The following CCDC13 variants were observed in gnomAD, a reference collection of about 807,000 sequenced individuals.
CCDC13 encodes coiled-coil domain containing 13.
A neutral mutation model predicts 87.3 loss-of-function variants in CCDC13; 70 were observed. That is an observed-to-expected ratio of 0.80 (90% CI 0.66 to 0.98). The LOEUF (loss-of-function observed/expected upper bound fraction) is 0.98. Among genes scored for constraint, CCDC13 ranks in the 50% least tolerant of loss-of-function variants. CCDC13 has a pLI of 0.00. For synonymous variants in CCDC13, 317 were observed against 360.3 expected, an observed-to-expected ratio of 0.88 and a Z score of 1.36; for missense variants, 842 against 892.0, an observed-to-expected ratio of 0.94 and a Z score of 0.71.
At chr3:42,761,604 T>C (rs187287559) in intron 1 of CCDC13, among the ~76,000 whole-genome samples, 4 of 152,340 alleles carry the variant, frequency 2.6e-5, no homozygotes, top group African/African-American at 9.6e-5. Flanking sequence ...GAATACTTGC[T>C]GAACAAATGA....
In CCDC13 at chr3:42,743,050, T is replaced by C. The variant is rs1251725547; in HGVS notation, c.833A>G (p.Glu278Gly). The C allele has an allele frequency of 1.2e-6, 2 of 1,613,912 alleles. No individual in the cohort carries two copies. Among genetic ancestry groups the C allele is most frequent in the Admixed American group, 3.3e-5 (2 of 59,970 alleles). The stretch of plus-strand genomic sequence containing the variant: ...GGCCTGGCCCAATTGCTTCTCAAGC[T>C]CTTGAACCTGAGGATGGTAAAACTC... ...QILVLQSKVQELEKQLGQARS... is the reference protein window; with the variant it reads ...QILVLQSKVQGLEKQLGQARS... Residue 278 changes from glutamate (E) to glycine (G), a missense_variant, in exon 8 of 16, where the codon GAG becomes GGG. Glu to Gly is a moderately conservative substitution (Grantham distance 98, BLOSUM62 -2). Coordinates refer to ENST00000310232, the MANE Select transcript of CCDC13 (RefSeq NM_144719.4).
At chr3:42,760,735 A>G (rs1267937273) in intron 1 of CCDC13, among the ~76,000 whole-genome samples, 1 of 152,094 alleles carries the variant, frequency 6.6e-6, no homozygotes, top group Non-Finnish European at 1.5e-5. Context: ...AACCTGGGTG[A>G]CAGAGCAAGA....
intron 5 of CCDC13, among the ~76,000 whole-genome samples, chr3:42,750,612 C>T (rs1397512825): frequency 1.3e-5 from 2 of 152,182 alleles, no homozygotes; most frequent in Non-Finnish European, 2.9e-5. Flanking sequence ...GGATTACAGG[C>T]GTTCGCCACC....
chr3:42,716,065 A>G (rs1209234521), intron 13 of CCDC13, among the ~76,000 whole-genome samples: 1 of 152,250 alleles, frequency 6.6e-6, no homozygotes. Flanking sequence ...GAAAAATCTT[A>G]TAACAACAGC....
Position 42,732,911 on chromosome 3 carries a change from G to A in CCDC13, c.1571C>T (p.Pro524Leu), listed in dbSNP as rs1364014440. Reference protein sequence around the residue: ...VESALTRPSLPSPHRTSPRFS... With the variant: ...VESALTRPSLLSPHRTSPRFS... Reference sequence around the variant, plus strand: ...CCTAGGTGAGGTCCTGTGGGGACTGGGCAGGGAAGGCCTCGTGAGAGCAGA... The same window carrying A: ...CCTAGGTGAGGTCCTGTGGGGACTGAGCAGGGAAGGCCTCGTGAGAGCAGA... The change falls in exon 12 of 16, where the codon CCC (proline) becomes CTC (leucine). Residue 524 changes from proline (P) to leucine (L), a missense_variant. Transcript: ENST00000310232. The A allele has an allele frequency of 1.3e-6, 2 of 1,554,126 alleles. No homozygotes were observed. The highest frequency in any genetic ancestry group is 2.4e-5 in the South Asian group (2 of 84,206).
chr3:42,729,010 C>T (rs558542098), intron 13 of CCDC13, among the ~76,000 whole-genome samples: 1 of 152,190 alleles, frequency 6.6e-6, no homozygotes, highest in Non-Finnish European at 1.5e-5. Flanking sequence ...AGAACTGAGG[C>T]ATCCCTGCTG....
intron 8 of CCDC13, among the ~76,000 whole-genome samples, chr3:42,740,500 A>C (rs1458956710): frequency 6.6e-6 from 1 of 152,242 alleles, no homozygotes; most frequent in Non-Finnish European, 1.5e-5. Context: ...GGGGACAGCA[A>C]AAAGCAAAAC....
At chr3:42,739,060 T>G (rs1004773621) in intron 9 of CCDC13, among the ~76,000 whole-genome samples, 3 of 152,194 alleles carry the variant, frequency 2.0e-5, no homozygotes, top group African/African-American at 7.2e-5. Flanking sequence ...CATAAATAGC[T>G]CTTATTATTT....
chr3:42,715,480 C>T lies in CCDC13; in HGVS notation c.1719-2164G>A, dbSNP rs143655017. Among the ~76,000 whole-genome samples the T allele has an allele frequency of 7.6e-4, 115 of 152,050 alleles. No homozygotes were observed. In the East Asian group the frequency reaches 0.013, roughly 17 times the overall value. ...TACAAAAATAAGCCTGGCACGGTGGCGTGTGCTTGTAGTCCCAGTTACTTG... is the reference window on the plus strand; with the variant it reads ...TACAAAAATAAGCCTGGCACGGTGGTGTGTGCTTGTAGTCCCAGTTACTTG... On this transcript the variant is annotated intron_variant, in intron 13 of 15. Coordinates refer to ENST00000310232, the MANE Select transcript of CCDC13 (RefSeq NM_144719.4).
chr3:42,750,391 G>A (rs575962920), intron 5 of CCDC13, among the ~76,000 whole-genome samples: 6 of 152,320 alleles, frequency 3.9e-5, no homozygotes, highest in Admixed American at 6.5e-5. Context: ...TCCACATCCT[G>A]CCTTCGAATG....
chr3:42,758,257 A>C lies in CCDC13; in HGVS notation c.89T>G (p.Met30Arg), dbSNP rs1699753144. ...EMQHKRLQKQ[M>R]EKKREKELSL... ...CAGTTCTTTTTCCCTCTTTTTCTCCATCTGCTTCTGTAACCGTTTGTGCTG... is the reference window on the plus strand; with the variant it reads ...CAGTTCTTTTTCCCTCTTTTTCTCCCTCTGCTTCTGTAACCGTTTGTGCTG... The change falls in exon 2 of 16, where the codon ATG becomes AGG. Residue 30 changes from methionine to arginine, a missense_variant. Transcript: ENST00000310232. The C allele has an allele frequency of 1.2e-6, 2 of 1,613,626 alleles. No homozygotes were observed. The highest frequency in any genetic ancestry group is 1.7e-6 in the Non-Finnish European group (2 of 1,179,988).
intron 5 of CCDC13, among the ~76,000 whole-genome samples, chr3:42,750,150 T>G (rs547951105): frequency 6.6e-6 from 1 of 152,224 alleles, no homozygotes; most frequent in African/African-American, 2.4e-5. Flanking sequence ...GCTCCCTCTA[T>G]GGGTGACTTC....
intron 1 of CCDC13, among the ~76,000 whole-genome samples, chr3:42,771,885 TAAC>T (rs1367096951): frequency 6.6e-6 from 1 of 152,350 alleles, no homozygotes; most frequent in Non-Finnish European, 1.5e-5. Context: ...TGTAAGATGT[TAAC>T]AACAGAGGAA....
At chr3:42,750,962 G>A (rs1481078072) in intron 5 of CCDC13, among the ~76,000 whole-genome samples, 2 of 142,304 alleles carry the variant, frequency 1.4e-5, no homozygotes, top group Non-Finnish European at 3.1e-5. Context: ...GTAGAGGGCA[G>A]AGCCCCTCTT....
At chr3:42,756,973 C>T in intron 3 of CCDC13, 93 bp downstream of exon 3, 1 of 1,280,776 alleles carries the variant, frequency 7.8e-7, no homozygotes, top group Non-Finnish European at 1.1e-6. Context: ...CCTTGGCACT[C>T]TCTTGGGAAT....
intron 13 of CCDC13, among the ~76,000 whole-genome samples, chr3:42,716,935 A>G (rs1382836767): frequency 1.3e-5 from 2 of 152,266 alleles, no homozygotes; most frequent in Non-Finnish European, 2.9e-5. Context: ...CCATCAACAG[A>G]TGAATAGATT....
Position 42,735,709 on chromosome 3 carries a change from G to A in CCDC13, c.1369C>T (p.His457Tyr). 1 of 1,614,016 alleles carries A rather than the reference G, an allele frequency of 6.2e-7. No individual in the cohort carries two copies. The highest frequency in any genetic ancestry group is 8.5e-7 in the Non-Finnish European group (1 of 1,179,906). The change falls in exon 10 of 16, where the codon CAC becomes TAC. Residue 457 changes from histidine (H) to tyrosine (Y), a missense_variant and splice_region_variant. His to Tyr is a moderately conservative substitution (Grantham distance 83, BLOSUM62 2). Transcript: ENST00000310232. ...LEMEIGQLNV[H>Y]YLRNKGVGEG... is the part of the protein sequence containing the mutation. ...GGCGCTGCCAGTGCCCTACTCACGT[G>A]CACATTGAGTTGTCCGATCTCCATC...
chr3:42,746,747 A>G (rs1464316336), intron 6 of CCDC13: 1 of 181,460 alleles, frequency 5.5e-6, no homozygotes, highest in Non-Finnish European at 1.2e-5. Context: ...TGTAAATAAA[A>G]ATAAATAACG....
chr3:42,749,904 G>T (rs755195848), intron 5 of CCDC13: 1 of 456,722 alleles, frequency 2.2e-6, no homozygotes, highest in Non-Finnish European at 4.4e-6. Context: ...TTGGAATGTG[G>T]ATTGAGCCTG....
Sources: allele counts gnomAD v4.1 joint callset (sites outside exome capture counted in the v4.1 genomes callset), GRCh38; gene constraint gnomAD v4.1.1; transcripts MANE v1.5; gene names NCBI Gene and HGNC (gene_info 2026-07-23, HGNC 2026-07-21).